Variants in MGAT4C observed in about 807,000 individuals in gnomAD.
The protein encoded by MGAT4C is alpha-1,3-mannosyl-glycoprotein 4-beta-N-acetylglucosaminyltransferase C.
Under a neutral mutation model 40.1 loss-of-function variants are expected in MGAT4C, and 19 were observed. That is an observed-to-expected ratio of 0.47 (90% CI 0.33 to 0.70). The LOEUF (loss-of-function observed/expected upper bound fraction) is 0.70, where lower values mean the gene tolerates loss of function less well. Ranked by LOEUF, MGAT4C falls within the 30% of genes least tolerant of loss-of-function variation. The probability of loss-of-function intolerance (pLI) is 0.02; values close to 1 mark genes in which losing one functional copy is unlikely to be tolerated. For missense variants in MGAT4C, 491 were observed against 563.2 expected (o/e 0.87, Z 1.30); for synonymous variants, 181 against 187.1 (o/e 0.97, Z 0.27).
chr12:86,230,631 T>C (rs1202559016), intron 1 of MGAT4C, among the ~76,000 whole-genome samples: 1 of 152,092 alleles, frequency 6.6e-6, no homozygotes, highest in East Asian at 1.9e-4. Context: ...TGCCAACATA[T>C]CGTTTGCCAG....
Position 86,605,857 on chromosome 12 carries a change from A to C in MGAT4C, c.-229+121352T>G, listed in dbSNP as rs149906304. Among the ~76,000 whole-genome samples, 461 of 152,266 alleles carry C rather than the reference A, an allele frequency of 3.0e-3. 2 individuals are homozygous for C. Among genetic ancestry groups the C allele is most frequent in the African/African-American group, 0.011 (440 of 41,556 alleles). ...GTTTATAGGCTAAGAGAAAATGCAA[A>C]TGTAGCAGGCATAGGTAACTGTATT... On this transcript the variant is annotated intron_variant, in intron 2 of 7. Coordinates refer to the MGAT4C transcript ENST00000548651.
chr12:86,092,350 G>C (rs910009880), intron 1 of MGAT4C, among the ~76,000 whole-genome samples: 2 of 151,950 alleles, frequency 1.3e-5, no homozygotes, highest in African/African-American at 4.8e-5. Context: ...CTATTATCCT[G>C]TTGTTCTATT....
At chr12:86,687,225 C>A (rs1174208311) in intron 2 of MGAT4C, among the ~76,000 whole-genome samples, 1 of 151,986 alleles carries the variant, frequency 6.6e-6, no homozygotes, top group Non-Finnish European at 1.5e-5. Flanking sequence ...ATTCTTCTTT[C>A]TTTTCTTCTT....
chr12:86,372,579 T>A (rs1955738370), intron 3 of MGAT4C, among the ~76,000 whole-genome samples: 1 of 151,938 alleles, frequency 6.6e-6, no homozygotes, highest in African/African-American at 2.4e-5. Context: ...CTTTTATGGA[T>A]ATACTGCCCA....
At chr12:86,237,488 T>A (rs1046388823) in intron 1 of MGAT4C, among the ~76,000 whole-genome samples, 6 of 151,938 alleles carry the variant, frequency 3.9e-5, no homozygotes, top group Non-Finnish European at 7.4e-5. Context: ...AATAAAATTA[T>A]AAGCAAGATC....
chr12:86,346,445 G>A (rs1406833109), intron 3 of MGAT4C, among the ~76,000 whole-genome samples: 5 of 152,006 alleles, frequency 3.3e-5, no homozygotes, highest in African/African-American at 7.2e-5. Flanking sequence ...GGCTGGTCTC[G>A]AACTCCTGAC....
intron 1 of MGAT4C, among the ~76,000 whole-genome samples, chr12:86,191,751 G>GGTAGGTGTGTGT (rs1555243732): frequency 1.0e-5 from 1 of 98,466 alleles, no homozygotes; most frequent in Non-Finnish European, 2.0e-5. Flanking sequence ...AGGAGATAAA[G>GGTAGGTGTGTGT]GTGTGTGTGT....
At chr12:86,188,386 G>A (rs1351296413) in intron 1 of MGAT4C, among the ~76,000 whole-genome samples, 1 of 151,832 alleles carries the variant, frequency 6.6e-6, no homozygotes. Context: ...GTGGGCAGCA[G>A]AGTGTAACAT....
At chr12:86,283,054 T>C (rs900269843) in intron 4 of MGAT4C, among the ~76,000 whole-genome samples, 3 of 152,044 alleles carry the variant, frequency 2.0e-5, no homozygotes, top group African/African-American at 7.2e-5. Context: ...TCATGCAAAG[T>C]CCTGGAGCCT....
rs144287381 is a variant in MGAT4C, at chr12:86,494,757, A to T, written c.-228-59492T>A. On this transcript the variant is annotated intron_variant, in intron 2 of 7. Transcript: ENST00000548651. ...TCTGACATTTGACTTACAAAAAGACAACTCAAATAGAGAAATAGAGGAAAT... is the reference window on the plus strand; with the variant it reads ...TCTGACATTTGACTTACAAAAAGACTACTCAAATAGAGAAATAGAGGAAAT... Among the ~76,000 whole-genome samples the T allele has an allele frequency of 3.2e-4, 49 of 152,102 alleles. 1 individual carries two copies. The highest frequency in any genetic ancestry group is 1.2e-3 in the Admixed American group (19 of 15,254).
intron 2 of MGAT4C, among the ~76,000 whole-genome samples, chr12:86,001,254 C>A (rs1413969375): frequency 1.3e-5 from 2 of 152,200 alleles, no homozygotes; most frequent in East Asian, 3.8e-4. Context: ...AACTTGCATT[C>A]TTTTCCTTGG....
chr12:86,343,471 C>A (rs1434065232), intron 3 of MGAT4C, among the ~76,000 whole-genome samples: 1 of 151,934 alleles, frequency 6.6e-6, no homozygotes, highest in Non-Finnish European at 1.5e-5. Flanking sequence ...TTTAACAAAA[C>A]CTATTGGAAA....
intron 2 of MGAT4C, among the ~76,000 whole-genome samples, chr12:86,000,642 GTAAA>G (rs1887191320): frequency 1.3e-5 from 2 of 152,144 alleles, no homozygotes; most frequent in South Asian, 4.1e-4. Flanking sequence ...TAGAAGAGAA[GTAAA>G]TAATTTATAT....
At chr12:86,251,638 T>TA (rs777039556) in intron 1 of MGAT4C, among the ~76,000 whole-genome samples, 9 of 152,030 alleles carry the variant, frequency 5.9e-5, no homozygotes, top group Non-Finnish European at 1.0e-4. Context: ...TTCCCCATAT[T>TA]ATTGGTTTCA....
At chr12:86,380,706 C>G (rs1182939473) in intron 3 of MGAT4C, among the ~76,000 whole-genome samples, 4 of 152,078 alleles carry the variant, frequency 2.6e-5, no homozygotes, top group South Asian at 2.1e-4. Context: ...CAATCACAAT[C>G]CAGAGAGACA....
chr12:86,412,652 A>G (rs890631455), intron 3 of MGAT4C, among the ~76,000 whole-genome samples: 3 of 152,318 alleles, frequency 2.0e-5, no homozygotes, highest in Admixed American at 2.0e-4. Flanking sequence ...TGTCTCAGGT[A>G]CAACTTTGGA....
intron 4 of MGAT4C, among the ~76,000 whole-genome samples, chr12:86,276,556 A>G (rs998054459): frequency 2.0e-5 from 3 of 152,174 alleles, no homozygotes; most frequent in East Asian, 3.8e-4. Context: ...CTCATTAACC[A>G]TACTCAATCC....
At chr12:86,211,492 C>T (rs907904187) in intron 1 of MGAT4C, among the ~76,000 whole-genome samples, 4 of 143,150 alleles carry the variant, frequency 2.8e-5, no homozygotes, top group African/African-American at 7.8e-5. Flanking sequence ...GAGGCTGAGG[C>T]GGGAGAATGG....
chr12:86,524,045 C>T (rs1245410413), intron 2 of MGAT4C, among the ~76,000 whole-genome samples: 1 of 152,110 alleles, frequency 6.6e-6, no homozygotes, highest in Non-Finnish European at 1.5e-5. Context: ...TCCAGCTTCC[C>T]ATTCTGTGCC....
Sources: gnomAD v4.1 joint callset for allele counts (sites outside exome capture counted in the v4.1 genomes callset) on GRCh38, gnomAD v4.1.1 for gene constraint, MANE v1.5 for transcripts, NCBI Gene and HGNC (gene_info 2026-07-23, HGNC 2026-07-21) for gene names.